The following UNC5D variants were observed in gnomAD, a reference collection of about 807,000 sequenced individuals.
The protein encoded by UNC5D is netrin receptor UNC5D.
A neutral mutation model predicts 105.4 loss-of-function variants in UNC5D; 39 were observed. That is an observed-to-expected ratio of 0.37 (90% CI 0.29 to 0.48). The LOEUF is 0.48. Among genes scored for constraint, UNC5D ranks in the 20% least tolerant of loss-of-function variants. The probability of loss-of-function intolerance (pLI) is 0.98; values close to 1 mark genes in which losing one functional copy is unlikely to be tolerated. For missense variants in UNC5D, 991 were observed against 1,202.4 expected, an observed-to-expected ratio of 0.82 and a Z score of 2.60; for synonymous variants, 452 against 450.4, an observed-to-expected ratio of 1.00 and a Z score of -0.04.
chr8:35,770,003 T>G (rs956383526), intron 15 of UNC5D, among the ~76,000 whole-genome samples: 1 of 152,050 alleles, frequency 6.6e-6, no homozygotes, highest in Admixed American at 6.6e-5. Context: ...ATGACTTAAT[T>G]TTTTGGTAAA....
At chr8:35,532,969 C>A (rs1814506697) in intron 1 of UNC5D, among the ~76,000 whole-genome samples, 1 of 138,392 alleles carries the variant, frequency 7.2e-6, no homozygotes, top group Admixed American at 7.3e-5. Flanking sequence ...TCAAAGTTTT[C>A]AACTTCTTTG....
chr8:35,438,122 A>C (rs1022302412), intron 1 of UNC5D, among the ~76,000 whole-genome samples: 1 of 152,018 alleles, frequency 6.6e-6, no homozygotes, highest in Non-Finnish European at 1.5e-5. Flanking sequence ...CAAACAAAAA[A>C]CAAAAAAAAC....
chr8:35,561,749 C>CT (rs1243343985), intron 2 of UNC5D, among the ~76,000 whole-genome samples: 2 of 151,686 alleles, frequency 1.3e-5, no homozygotes, highest in East Asian at 1.9e-4. Flanking sequence ...GAACCTATTC[C>CT]TTTTTTTTAA....
chr8:35,289,202 A>G (rs1806847675), intron 1 of UNC5D, among the ~76,000 whole-genome samples: 1 of 152,338 alleles, frequency 6.6e-6, no homozygotes, highest in Middle Eastern at 3.4e-3. Context: ...GGGAGCAATG[A>G]TAACCAACTT....
chr8:35,293,932 T>C (rs1807266082), intron 1 of UNC5D, among the ~76,000 whole-genome samples: 1 of 152,222 alleles, frequency 6.6e-6, no homozygotes, highest in South Asian at 2.1e-4. Flanking sequence ...GCTACTTAGA[T>C]ACCTTTGTGT....
At chr8:35,608,138 G>C (rs1820436970) in intron 4 of UNC5D, among the ~76,000 whole-genome samples, 1 of 152,228 alleles carries the variant, frequency 6.6e-6, no homozygotes, top group African/African-American at 2.4e-5. Flanking sequence ...CTGCTATTTA[G>C]CCCAGTACAC....
chr8:35,344,046 G>T (rs1010930521), intron 1 of UNC5D, among the ~76,000 whole-genome samples: 2 of 152,056 alleles, frequency 1.3e-5, no homozygotes, highest in Admixed American at 1.3e-4. Flanking sequence ...TGTTGCTTGT[G>T]GGAGGTAGTG....
chr8:35,782,534 C>T (rs1341320462), intron 16 of UNC5D, among the ~76,000 whole-genome samples: 3 of 145,362 alleles, frequency 2.1e-5, no homozygotes, highest in African/African-American at 7.8e-5. Flanking sequence ...GACGGAGTCT[C>T]ACCCTGTCAC....
At position 35,392,675 on chromosome 8, in the gene UNC5D, C is replaced by T. The variant is rs573728775; in HGVS notation, c.104-156617C>T. The stretch of plus-strand genomic sequence containing the variant: ...CATTACAAAGTCACATCGGCAAAGT[C>T]CCTTTTGCCATATAAAGTAATACTC... On this transcript the variant is annotated intron_variant, in intron 1 of 16. Transcript: ENST00000404895. 5.3e-5 allele frequency among the ~76,000 whole-genome samples: 8 copies of T among 152,220 alleles called. 1 individual carries two copies. Among genetic ancestry groups the T allele is most frequent in the African/African-American group, 1.7e-4 (7 of 41,520 alleles).
intron 1 of UNC5D, among the ~76,000 whole-genome samples, chr8:35,456,601 G>A (rs1808512624): frequency 6.6e-6 from 1 of 152,174 alleles, no homozygotes; most frequent in Admixed American, 6.5e-5. Flanking sequence ...TTTGATTTCA[G>A]TGTGACTTGT....
intron 4 of UNC5D, among the ~76,000 whole-genome samples, chr8:35,678,741 A>G (rs561937594): frequency 6.6e-6 from 1 of 152,242 alleles, no homozygotes; most frequent in South Asian, 2.1e-4. Context: ...GCTGAGTCCC[A>G]TTATTTGTCA....
At chr8:35,683,209 T>TATC (rs371872520) in intron 4 of UNC5D, among the ~76,000 whole-genome samples, 6 of 152,192 alleles carry the variant, frequency 3.9e-5, no homozygotes, top group African/African-American at 1.4e-4. Context: ...ATTATTGAAA[T>TATC]ATCATCATCA....
chr8:35,261,655 A>G (rs560234876), intron 1 of UNC5D, among the ~76,000 whole-genome samples: 1 of 151,600 alleles, frequency 6.6e-6, no homozygotes, highest in Admixed American at 6.6e-5. Context: ...GCGTGTGTGT[A>G]TTTCACGGAG....
At chr8:35,348,095 A>T (rs1178130848) in intron 1 of UNC5D, among the ~76,000 whole-genome samples, 2 of 151,958 alleles carry the variant, frequency 1.3e-5, no homozygotes, top group Non-Finnish European at 2.9e-5. Context: ...TTTTCTCCTG[A>T]CATTATCCCC....
chr8:35,281,276 A>G (rs1806135835), intron 1 of UNC5D, among the ~76,000 whole-genome samples: 1 of 152,208 alleles, frequency 6.6e-6, no homozygotes, highest in South Asian at 2.1e-4. Flanking sequence ...TCAAAGAAAG[A>G]GAGACATTTT....
At chr8:35,481,879 C>T (rs938272298) in intron 1 of UNC5D, among the ~76,000 whole-genome samples, 1 of 152,138 alleles carries the variant, frequency 6.6e-6, no homozygotes, top group Admixed American at 6.5e-5. Context: ...TAATATCCCA[C>T]TCTCCAACAC....
rs1804856268 is a variant in UNC5D, at chr8:35,266,142, A to T, written c.103+30255A>T. 2.0e-5 allele frequency among the ~76,000 whole-genome samples: 3 copies of T among 152,158 alleles called. No individual in the cohort carries two copies. In the South Asian group the frequency reaches 6.2e-4, roughly 32 times the overall value. On this transcript the variant is annotated intron_variant, in intron 1 of 16. Coordinates refer to ENST00000404895, the MANE Select transcript of UNC5D (RefSeq NM_080872.4). ...TCAAAATCTTTAAAATCATCTTTCA[A>T]TTTAGTAAGTTGACCACCTTTCACT...
chr8:35,614,714 A>G (rs1331779109), intron 4 of UNC5D, among the ~76,000 whole-genome samples: 1 of 152,336 alleles, frequency 6.6e-6, no homozygotes, highest in East Asian at 1.9e-4. Flanking sequence ...GTGTGTCTAC[A>G]GCCCAAATAC....
intron 1 of UNC5D, among the ~76,000 whole-genome samples, chr8:35,275,961 A>G (rs1274221324): frequency 6.6e-6 from 1 of 152,202 alleles, no homozygotes; most frequent in Non-Finnish European, 1.5e-5. Context: ...ATGTCCATGT[A>G]CTGAGTCCAT....
Sources: allele counts gnomAD v4.1 joint callset (sites outside exome capture counted in the v4.1 genomes callset), GRCh38; gene constraint gnomAD v4.1.1; transcripts MANE v1.5; gene names NCBI Gene and HGNC (gene_info 2026-07-23, HGNC 2026-07-21).